FHIP1A: variants seen among roughly 807,000 people sequenced by gnomAD.
The protein encoded by FHIP1A is FHF complex subunit HOOK-interacting protein 1A.
A neutral mutation model predicts 88.6 loss-of-function variants in FHIP1A; 61 were observed. The observed-to-expected ratio is 0.69, with a 90% CI of 0.56 to 0.85. FHIP1A has a LOEUF of 0.85. Ranked by LOEUF, FHIP1A falls within the 40% of genes least tolerant of loss-of-function variation. The pLI, the probability that FHIP1A is intolerant of heterozygous loss-of-function variation, is 0.00. For synonymous variants in FHIP1A, 478 were observed against 496.0 expected, an observed-to-expected ratio of 0.96 and a Z score of 0.48; for missense variants, 1,154 against 1,273.5, an observed-to-expected ratio of 0.91 and a Z score of 1.43.
At chr4:151,647,816 C>T (rs528110621) in intron 10 of FHIP1A, among the ~76,000 whole-genome samples, 24 of 152,120 alleles carry the variant, frequency 1.6e-4, no homozygotes, top group South Asian at 2.1e-4. Flanking sequence ...TGTGGCTAAC[C>T]TTGCCTCAGA....
chr4:151,518,294 C>T (rs1278666996), intron 3 of FHIP1A, among the ~76,000 whole-genome samples: 2 of 152,008 alleles, frequency 1.3e-5, no homozygotes, highest in Non-Finnish European at 2.9e-5. Flanking sequence ...GGTTTGTAGC[C>T]TAGGAGCAAT....
chr4:151,455,163 T>C (rs990678708), intron 2 of FHIP1A, among the ~76,000 whole-genome samples: 4 of 152,234 alleles, frequency 2.6e-5, no homozygotes, highest in African/African-American at 4.8e-5. Context: ...AAATTAATTT[T>C]ACACACACAA....
intron 3 of FHIP1A, among the ~76,000 whole-genome samples, chr4:151,561,181 C>G (rs192788366): frequency 1.3e-5 from 2 of 151,922 alleles, no homozygotes. Flanking sequence ...GTGTATTGAC[C>G]GAATTTTCTT....
intron 2 of FHIP1A, among the ~76,000 whole-genome samples, chr4:151,468,277 T>G (rs1343655151): frequency 2.9e-5 from 3 of 102,670 alleles, no homozygotes; most frequent in South Asian, 3.3e-4. Flanking sequence ...AGAGCGAGAC[T>G]CCATCTCAAA....
At chr4:151,625,015 C>G (rs1333337704) in intron 7 of FHIP1A, among the ~76,000 whole-genome samples, 8 of 152,124 alleles carry the variant, frequency 5.3e-5, no homozygotes, top group Admixed American at 1.3e-4. Flanking sequence ...CTGCAAGGAG[C>G]CTTTCCAGCT....
At chr4:151,574,773 A>C in intron 4 of FHIP1A, among the ~76,000 whole-genome samples, 1 of 152,124 alleles carries the variant, frequency 6.6e-6, no homozygotes, top group East Asian at 1.9e-4. Context: ...TCTACTTGGC[A>C]ATGTATTTGC....
intron 7 of FHIP1A, among the ~76,000 whole-genome samples, chr4:151,624,190 A>G (rs1353749185): frequency 6.6e-6 from 1 of 152,262 alleles, no homozygotes. Context: ...GGAAATGCAG[A>G]AAAACAATCA....
intron 6 of FHIP1A, among the ~76,000 whole-genome samples, chr4:151,587,527 A>G (rs1375348526): frequency 8.9e-6 from 1 of 111,748 alleles, no homozygotes; most frequent in East Asian, 2.4e-4. Context: ...CTTTTTTTTT[A>G]TTATTATACT....
chr4:151,479,951 A>T (rs1729837347), intron 2 of FHIP1A, among the ~76,000 whole-genome samples: 1 of 152,092 alleles, frequency 6.6e-6, no homozygotes, highest in African/African-American at 2.4e-5. Context: ...TGATTATATT[A>T]TGTGGAGGTA....
chr4:151,562,736 T>C (rs577996993), intron 3 of FHIP1A, among the ~76,000 whole-genome samples: 3 of 152,340 alleles, frequency 2.0e-5, no homozygotes, highest in African/African-American at 7.2e-5. Context: ...CAAAATATAG[T>C]TATTGAAAGT....
intron 3 of FHIP1A, among the ~76,000 whole-genome samples, chr4:151,529,680 G>C (rs1462105935): frequency 2.0e-5 from 3 of 152,182 alleles, no homozygotes; most frequent in Non-Finnish European, 4.4e-5. Context: ...GGGGCTGTGG[G>C]CAGGGAATGC....
chr4:151,577,645 CTT>C lies in FHIP1A; in HGVS notation c.304_305del (p.Phe102ProfsTer10). 6.4e-7 allele frequency: 1 copy of C among 1,551,760 alleles called. No homozygotes were observed. The highest frequency in any genetic ancestry group is 8.7e-7 in the Non-Finnish European group (1 of 1,146,978). On this transcript the variant is annotated frameshift_variant, in exon 5 of 14. Coordinates refer to ENST00000435205, the MANE Select transcript of FHIP1A (RefSeq NM_001109977.3). LOFTEE classifies it high-confidence loss of function. ...GGTCTCTGAGAACATCATGGAGAAA[CTT>C]TTCCTTTGGAGCTTGAGAAGGGAGT... ...FVVSENIMEK[L>X]FLWSLRREFT...
At chr4:151,658,620 A>G (rs951001673) in intron 13 of FHIP1A, among the ~76,000 whole-genome samples, 1 of 152,214 alleles carries the variant, frequency 6.6e-6, no homozygotes, top group African/African-American at 2.4e-5. Flanking sequence ...AAAGCAAGAC[A>G]GAGGGCCAGC....
intron 7 of FHIP1A, among the ~76,000 whole-genome samples, chr4:151,605,224 A>C (rs924968112): frequency 5.9e-5 from 9 of 152,162 alleles, no homozygotes; most frequent in African/African-American, 2.2e-4. Flanking sequence ...TGTCTTGTGA[A>C]CTAGGGTAGG....
intron 2 of FHIP1A, among the ~76,000 whole-genome samples, chr4:151,470,077 T>C (rs1729456797): frequency 6.6e-6 from 1 of 152,208 alleles, no homozygotes; most frequent in Non-Finnish European, 1.5e-5. Flanking sequence ...CAGTGATTTT[T>C]TCAAGTGACA....
rs1578883450 is a variant in FHIP1A, at chr4:151,666,754, T to C, written c.*4000T>C. Among the ~76,000 whole-genome samples the C allele has an allele frequency of 6.6e-6, 1 of 152,188 alleles. No individual in the cohort carries two copies. Among genetic ancestry groups the C allele is most frequent in the African/African-American group, 2.4e-5 (1 of 41,440 alleles). ...CTGAATCTGGATCAGTGTGTCTAGG[T>C]TGTGTTCAGGAGGGAAGCACAGCCG... is the stretch of plus-strand genomic sequence containing the variant. On this transcript the variant is annotated 3_prime_UTR_variant, in exon 14 of 14. Coordinates refer to ENST00000435205, the MANE Select transcript of FHIP1A (RefSeq NM_001109977.3).
intron 4 of FHIP1A, among the ~76,000 whole-genome samples, chr4:151,570,743 G>A (rs1437826941): frequency 6.6e-6 from 1 of 152,182 alleles, no homozygotes; most frequent in Non-Finnish European, 1.5e-5. Context: ...TATAGTAGAT[G>A]TTCAATAAAT....
intron 3 of FHIP1A, among the ~76,000 whole-genome samples, chr4:151,513,743 G>T (rs997130838): frequency 6.6e-6 from 1 of 152,000 alleles, no homozygotes; most frequent in Non-Finnish European, 1.5e-5. Context: ...AATTCAACAA[G>T]AAGAGCTAAC....
intron 2 of FHIP1A, among the ~76,000 whole-genome samples, chr4:151,456,395 T>C (rs1728969321): frequency 6.6e-6 from 1 of 152,158 alleles, no homozygotes; most frequent in Non-Finnish European, 1.5e-5. Flanking sequence ...GGTACAGAGC[T>C]GGAGTGCTGT....
Sources: gnomAD v4.1 joint callset for allele counts (sites outside exome capture counted in the v4.1 genomes callset) on GRCh38, gnomAD v4.1.1 for gene constraint, MANE v1.5 for transcripts, NCBI Gene and HGNC (gene_info 2026-07-23, HGNC 2026-07-21) for gene names.